The following UBE2E2 variants were observed in gnomAD, a reference collection of about 807,000 sequenced individuals.
The protein encoded by UBE2E2 is ubiquitin-conjugating enzyme E2 E2.
UBE2E2 carries 6 observed loss-of-function variants against 24.7 expected under a neutral mutation model. The ratio of observed to expected loss-of-function variants is 0.24; its 90% CI spans 0.13 to 0.48. The LOEUF is 0.48. UBE2E2 is among the 20% of genes least tolerant of loss of function. The probability of loss-of-function intolerance (pLI) is 0.99; values close to 1 mark genes in which losing one functional copy is unlikely to be tolerated. For missense variants in UBE2E2, 169 were observed against 245.0 expected, an observed-to-expected ratio of 0.69 and a Z score of 2.07; for synonymous variants, 104 against 83.6, an observed-to-expected ratio of 1.24 and a Z score of -1.33.
At chr3:23,299,079 G>A (rs992584538) in intron 3 of UBE2E2, among the ~76,000 whole-genome samples, 1 of 152,188 alleles carries the variant, frequency 6.6e-6, no homozygotes, top group Admixed American at 6.5e-5. Flanking sequence ...TTTGCATAGA[G>A]GTGTTTATAG....
intron 3 of UBE2E2, among the ~76,000 whole-genome samples, chr3:23,241,484 A>T (rs1246977295): frequency 2.0e-5 from 3 of 151,998 alleles, no homozygotes; most frequent in Non-Finnish European, 4.4e-5. Flanking sequence ...CTTATTGCTT[A>T]TTCTCTTGAT....
Position 23,395,637 on chromosome 3 carries a change from T to G in UBE2E2, c.228-103971T>G, listed in dbSNP as rs114179811. ...TTCATATTTTGGAAGTCATACCTCT[T>G]TTTTTATTGTTAGTTTTTAAGGGTG... is the stretch of plus-strand genomic sequence containing the variant. On this transcript the variant is annotated intron_variant, in intron 3 of 5. Coordinates refer to ENST00000396703, the MANE Select transcript of UBE2E2 (RefSeq NM_152653.4). 6.2e-3 allele frequency among the ~76,000 whole-genome samples: 947 copies of G among 152,280 alleles called. 6 individuals are homozygous for G. Among genetic ancestry groups the G allele is most frequent in the Non-Finnish European group, 0.011 (743 of 68,000 alleles).
chr3:23,368,826 A>G (rs767288204), intron 3 of UBE2E2, among the ~76,000 whole-genome samples: 2 of 152,188 alleles, frequency 1.3e-5, no homozygotes, highest in Non-Finnish European at 2.9e-5. Flanking sequence ...AAATGGCTTG[A>G]CTGTACATCC....
intron 3 of UBE2E2, among the ~76,000 whole-genome samples, chr3:23,302,640 A>G (rs1294901741): frequency 6.6e-6 from 1 of 152,238 alleles, no homozygotes; most frequent in Non-Finnish European, 1.5e-5. Context: ...TGCATTGTAT[A>G]AATGACAGAA....
chr3:23,435,496 G>A lies in UBE2E2; in HGVS notation c.228-64112G>A, dbSNP rs950472319. The stretch of plus-strand genomic sequence containing the variant: ...TAGGGTTATGAGGATGGCTGAACAC[G>A]TCAGTTGGGCTCAGCAGCAGTTAGT... On this transcript the variant is annotated intron_variant, in intron 3 of 5. Transcript: ENST00000396703. Among the ~76,000 whole-genome samples, 4 of 152,312 alleles carry A rather than the reference G, an allele frequency of 2.6e-5. No individual in the cohort carries two copies. The South Asian group carries it at 6.2e-4, about 24-fold the overall frequency.
intron 5 of UBE2E2, among the ~76,000 whole-genome samples, chr3:23,547,804 A>G (rs1022305702): frequency 1.3e-5 from 2 of 152,276 alleles, no homozygotes; most frequent in Non-Finnish European, 2.9e-5. Flanking sequence ...TTTTCAGGTC[A>G]TCTTTCAGAA....
intron 4 of UBE2E2, among the ~76,000 whole-genome samples, chr3:23,518,547 C>A (rs1052662923): frequency 6.6e-6 from 1 of 152,198 alleles, no homozygotes; most frequent in African/African-American, 2.4e-5. Flanking sequence ...AAACTTAGAT[C>A]CATCCTTATA....
chr3:23,488,337 C>T (rs1468594404), intron 3 of UBE2E2, among the ~76,000 whole-genome samples: 3 of 151,950 alleles, frequency 2.0e-5, no homozygotes, highest in Admixed American at 2.0e-4. Flanking sequence ...GGTATTTCTC[C>T]AAATGTTATT....
At chr3:23,311,973 T>C (rs532190141) in intron 3 of UBE2E2, among the ~76,000 whole-genome samples, 24 of 152,266 alleles carry the variant, frequency 1.6e-4, no homozygotes, top group African/African-American at 5.5e-4. Flanking sequence ...TGGGAGGCGA[T>C]TGGATCATGG....
At chr3:23,370,096 G>A (rs1395098588) in intron 3 of UBE2E2, among the ~76,000 whole-genome samples, 4 of 152,134 alleles carry the variant, frequency 2.6e-5, no homozygotes, top group Admixed American at 2.6e-4. Flanking sequence ...CTGCTCTGTT[G>A]CATGTTTGTT....
chr3:23,242,958 T>C (rs1164095582), intron 3 of UBE2E2, among the ~76,000 whole-genome samples: 2 of 151,936 alleles, frequency 1.3e-5, no homozygotes, highest in Non-Finnish European at 2.9e-5. Context: ...TGTTGGCTTA[T>C]GCCTGTGATC....
At chr3:23,466,430 G>A (rs1021838704) in intron 3 of UBE2E2, among the ~76,000 whole-genome samples, 1 of 152,084 alleles carries the variant, frequency 6.6e-6, no homozygotes, top group South Asian at 2.1e-4. Flanking sequence ...TGAAAACTTT[G>A]GATTGGCTAT....
At chr3:23,259,224 T>C (rs1301903376) in intron 3 of UBE2E2, among the ~76,000 whole-genome samples, 1 of 152,112 alleles carries the variant, frequency 6.6e-6, no homozygotes, top group African/African-American at 2.4e-5. Flanking sequence ...TCCTTGTATA[T>C]GTGTGTGTGC....
At chr3:23,488,372 C>T (rs537528522) in intron 3 of UBE2E2, among the ~76,000 whole-genome samples, 14 of 152,158 alleles carry the variant, frequency 9.2e-5, no homozygotes, top group African/African-American at 2.7e-4. Flanking sequence ...CCTACCGCCC[C>T]GCCGACAGGC....
chr3:23,365,041 G>A (rs940046856), intron 3 of UBE2E2, among the ~76,000 whole-genome samples: 4 of 152,206 alleles, frequency 2.6e-5, no homozygotes, highest in East Asian at 1.9e-4. Context: ...CTAAATAGAT[G>A]CAGGAAAAAA....
intron 4 of UBE2E2, among the ~76,000 whole-genome samples, chr3:23,508,181 A>G (rs1035467362): frequency 4.6e-5 from 7 of 152,194 alleles, no homozygotes; most frequent in Admixed American, 4.6e-4. Flanking sequence ...AAATCCCAAA[A>G]TGAATGTGAT....
chr3:23,532,851 T>C, intron 5 of UBE2E2, 150 bp downstream of exon 5: 1 of 772,104 alleles, frequency 1.3e-6, no homozygotes, highest in East Asian at 3.1e-5. Context: ...CTATTTTCTT[T>C]TTAAATTGGG....
chr3:23,338,828 G>A (rs716457), intron 3 of UBE2E2, among the ~76,000 whole-genome samples: 62,002 of 151,964 alleles, frequency 0.41, 12,999 homozygotes, highest in Admixed American at 0.55. Flanking sequence ...TTCTTGCCAT[G>A]GAATTCCAAT....
At chr3:23,494,136 T>C (rs1347985392) in intron 3 of UBE2E2, among the ~76,000 whole-genome samples, 1 of 152,222 alleles carries the variant, frequency 6.6e-6, no homozygotes, top group Non-Finnish European at 1.5e-5. Context: ...GCAAGTGTCC[T>C]CTGGCACCAA....
Sources: gnomAD v4.1 joint callset for allele counts (sites outside exome capture counted in the v4.1 genomes callset) on GRCh38, gnomAD v4.1.1 for gene constraint, MANE v1.5 for transcripts, NCBI Gene and HGNC (gene_info 2026-07-23, HGNC 2026-07-21) for gene names.